Variants in DNAJC1 observed in about 807,000 individuals in gnomAD.
DNAJC1 encodes the protein DnaJ heat shock protein family (Hsp40) member C1, also known as dnaJ homolog subfamily C member 1.
In DNAJC1, 58 loss-of-function variants were observed where a neutral mutation model predicts 76.6. That is an observed-to-expected ratio of 0.76 (90% CI 0.61 to 0.94). DNAJC1 has a LOEUF of 0.94. DNAJC1 is among the 40% of genes least tolerant of loss of function. The probability of loss-of-function intolerance (pLI) is 0.00; values close to 1 mark genes in which losing one functional copy is unlikely to be tolerated. For synonymous variants in DNAJC1, 258 were observed against 267.9 expected (o/e 0.96, Z 0.36); for missense variants, 689 against 677.3 (o/e 1.02, Z -0.19).
chr10:21,907,018 C>T (rs1396332828), intron 6 of DNAJC1, among the ~76,000 whole-genome samples: 1 of 151,992 alleles, frequency 6.6e-6, no homozygotes, highest in East Asian at 1.9e-4. Context: ...TAATTGCATC[C>T]TTCTCACTTC....
At chr10:21,829,492 A>G (rs1268308067) in intron 8 of DNAJC1, among the ~76,000 whole-genome samples, 1 of 152,200 alleles carries the variant, frequency 6.6e-6, no homozygotes, top group Non-Finnish European at 1.5e-5. Flanking sequence ...CTGGGATTAC[A>G]GGCATGAGCC....
chr10:21,905,989 C>T (rs141086317), intron 6 of DNAJC1, among the ~76,000 whole-genome samples: 3 of 152,080 alleles, frequency 2.0e-5, no homozygotes, highest in African/African-American at 7.2e-5. Context: ...ATACTTAAAC[C>T]CTAGAAACTC....
intron 8 of DNAJC1, among the ~76,000 whole-genome samples, chr10:21,874,756 C>T (rs930938571): frequency 8.5e-5 from 13 of 152,192 alleles, no homozygotes; most frequent in African/African-American, 3.1e-4. Context: ...ACTGAAGTGT[C>T]TGTGCATTTT....
At chr10:21,909,804 T>C (rs1424465867) in intron 6 of DNAJC1, among the ~76,000 whole-genome samples, 1 of 152,212 alleles carries the variant, frequency 6.6e-6, no homozygotes, top group Admixed American at 6.5e-5. Flanking sequence ...TCCAGATGGA[T>C]ACAGCTAAGA....
intron 8 of DNAJC1, among the ~76,000 whole-genome samples, chr10:21,838,142 G>A (rs530648743): frequency 3.9e-5 from 6 of 152,108 alleles, no homozygotes; most frequent in Non-Finnish European, 7.4e-5. Flanking sequence ...AGCTCATTGA[G>A]AACGGGCCAA....
At chr10:21,834,914 A>C (rs1353075742) in intron 8 of DNAJC1, among the ~76,000 whole-genome samples, 1 of 152,202 alleles carries the variant, frequency 6.6e-6, no homozygotes, top group Non-Finnish European at 1.5e-5. Flanking sequence ...GGCATAGACA[A>C]ACAAAAAGAC....
chr10:21,783,102 A>T (rs1834554823), intron 9 of DNAJC1, among the ~76,000 whole-genome samples: 2 of 152,226 alleles, frequency 1.3e-5, no homozygotes, highest in Non-Finnish European at 2.9e-5. Flanking sequence ...GAAAAGAGGA[A>T]GTCAAACTGT....
intron 6 of DNAJC1, among the ~76,000 whole-genome samples, chr10:21,916,227 C>T (rs997669102): frequency 1.3e-5 from 2 of 152,178 alleles, no homozygotes; most frequent in African/African-American, 2.4e-5. Context: ...GGTGCAGTGG[C>T]TCACGCCTAT....
chr10:21,873,156 T>C (rs1009135897), intron 8 of DNAJC1, among the ~76,000 whole-genome samples: 1 of 151,714 alleles, frequency 6.6e-6, no homozygotes, highest in Non-Finnish European at 1.5e-5. Context: ...CCCCTTAGAG[T>C]TGTAAGCCCT....
chr10:21,890,985 G>A (rs1836451652), intron 7 of DNAJC1, among the ~76,000 whole-genome samples: 1 of 152,164 alleles, frequency 6.6e-6, no homozygotes, highest in African/African-American at 2.4e-5. Context: ...GAGGTCAGGA[G>A]TTCGAGTCCA....
chr10:21,915,410 A>T (rs1836936428), intron 6 of DNAJC1, among the ~76,000 whole-genome samples: 1 of 152,198 alleles, frequency 6.6e-6, no homozygotes, highest in African/African-American at 2.4e-5. Flanking sequence ...TTGCTATGAC[A>T]AGATTTGGGT....
intron 10 of DNAJC1, among the ~76,000 whole-genome samples, chr10:21,762,886 G>C (rs1469829725): frequency 6.6e-6 from 1 of 152,078 alleles, no homozygotes; most frequent in Non-Finnish European, 1.5e-5. Context: ...CATTGTTTTG[G>C]CCATAGAATA....
chr10:21,853,769 C>T (rs1263024245), intron 8 of DNAJC1, among the ~76,000 whole-genome samples: 1 of 104,122 alleles, frequency 9.6e-6, no homozygotes, highest in African/African-American at 3.9e-5. Context: ...GCCTGGGCGA[C>T]AGAATGAGAC....
At chr10:21,801,448 A>G (rs1411827762) in intron 9 of DNAJC1, among the ~76,000 whole-genome samples, 1 of 152,248 alleles carries the variant, frequency 6.6e-6, no homozygotes, top group Non-Finnish European at 1.5e-5. Flanking sequence ...ATCTCACACC[A>G]GTCAGAATGG....
At chr10:21,996,523 A>G (rs1263464914) in intron 1 of DNAJC1, among the ~76,000 whole-genome samples, 2 of 152,226 alleles carry the variant, frequency 1.3e-5, no homozygotes, top group African/African-American at 4.8e-5. Flanking sequence ...GTAAACTGGT[A>G]ACCCATATAA....
intron 8 of DNAJC1, among the ~76,000 whole-genome samples, chr10:21,814,766 C>A (rs1038487753): frequency 6.6e-6 from 1 of 152,058 alleles, no homozygotes; most frequent in Non-Finnish European, 1.5e-5. Context: ...GCTCTTACTG[C>A]CCTGGATTGG....
intron 1 of DNAJC1, among the ~76,000 whole-genome samples, chr10:21,978,153 C>G (rs1419422698): frequency 6.6e-6 from 1 of 151,994 alleles, no homozygotes; most frequent in Non-Finnish European, 1.5e-5. Context: ...ATAGATTTTT[C>G]TTAACTTTTT....
In DNAJC1 at chr10:21,847,757, C is replaced by A. The variant is rs190308940; in HGVS notation, c.978+34525G>T. ...TCTAGTTCCATCTATGTTGCTGCTA[C>A]TAACAGAATTTCATTCTTTTTTCAT... On this transcript the variant is annotated intron_variant, in intron 8 of 11. Coordinates refer to ENST00000376980, the MANE Select transcript of DNAJC1 (RefSeq NM_022365.4). 5.3e-5 allele frequency among the ~76,000 whole-genome samples: 8 copies of A among 152,216 alleles called. No homozygotes were observed. The East Asian group carries it at 1.5e-3, about 29-fold the overall frequency.
chr10:21,756,599 A>G lies in DNAJC1; in HGVS notation c.*88T>C. On this transcript the variant is annotated 3_prime_UTR_variant, in exon 12 of 12. Transcript: ENST00000376980. ...TTTTACTAAGGCACATGACGTAGAA[A>G]TATTGAGGTACAAAATGCAAATTTC... is the stretch of plus-strand genomic sequence containing the variant. 1 of 895,424 alleles carries G rather than the reference A, an allele frequency of 1.1e-6. No homozygotes were observed. The highest frequency in any genetic ancestry group is 1.4e-5 in the South Asian group (1 of 72,772). 55.5% of individuals were successfully genotyped at this position (895,424 alleles called of 1,614,324 possible). A position where few individuals can be genotyped will look rare whatever the true frequency, so the allele number is the denominator to read the frequency against.
Sources: gnomAD v4.1 joint callset for allele counts (sites outside exome capture counted in the v4.1 genomes callset) on GRCh38, gnomAD v4.1.1 for gene constraint, MANE v1.5 for transcripts, NCBI Gene and HGNC (gene_info 2026-07-23, HGNC 2026-07-21) for gene names.